OBSL1: variants seen among roughly 807,000 people sequenced by gnomAD.
OBSL1 encodes the protein obscurin-like protein 1.
Under a neutral mutation model 172.0 loss-of-function variants are expected in OBSL1, and 160 were observed. That is an observed-to-expected ratio of 0.93 (90% CI 0.82 to 1.06). The LOEUF (loss-of-function observed/expected upper bound fraction) is 1.06. Among genes scored for constraint, OBSL1 ranks in the 50% least tolerant of loss-of-function variants. The pLI is 0.00. For missense variants in OBSL1, 2,681 were observed against 2,715.4 expected (o/e 0.99, Z 0.28); for synonymous variants, 1,200 against 1,196.3 (o/e 1.00, Z -0.06).
Position 219,557,523 on chromosome 2 carries a change from G to A in OBSL1, c.3886C>T (p.Pro1296Ser). The part of the protein sequence containing the change: ...DLELVVHLSG[P>S]GGPVRWYKDG... ...TTGTACCAGCGTACAGGGCCCCCTG[G>A]CCCGGAGAGGTGCACCACCAGCTCT... The change falls in exon 12 of 21, where the codon CCA (proline) becomes TCA (serine). Residue 1296 changes from proline (P) to serine (S), a missense_variant. Pro to Ser is a moderately conservative substitution (Grantham distance 74, BLOSUM62 -1). Transcript: ENST00000404537. 1.3e-6 allele frequency: 2 copies of A among 1,552,344 alleles called. No individual in the cohort carries two copies. The highest frequency in any genetic ancestry group is 1.4e-5 in the African/African-American group (1 of 73,260).
intron 6 of OBSL1, 121 bp from the exon 7 acceptor site, chr2:219,563,748 C>A: frequency 9.2e-7 from 1 of 1,090,502 alleles, no homozygotes; most frequent in Non-Finnish European, 1.3e-6. Flanking sequence ...TAAGGTCCTG[C>A]TGTGTAGGGA....
rs1244136475 is a variant in OBSL1, at chr2:219,554,663, G to A, written c.4687C>T (p.Leu1563=). 6.2e-7 allele frequency: 1 copy of A among 1,603,352 alleles called. No homozygotes were observed. The highest frequency in any genetic ancestry group is 1.7e-5 in the Admixed American group (1 of 58,440). ...EGGSATFQLE[L]SQEGVTGEWA... Reference sequence around the variant, plus strand: ...TCCCCGGTCACACCTTCCTGGGACAGCTCCAGCTGGAAGGTGGCACTGCCC... The same window carrying A: ...TCCCCGGTCACACCTTCCTGGGACAACTCCAGCTGGAAGGTGGCACTGCCC... The change falls in exon 15 of 21, where the codon CTG becomes TTG. Residue 1563 remains leucine (L), a synonymous_variant. Transcript: ENST00000404537.
At chr2:219,553,165 C>T (rs948248085) in intron 16 of OBSL1, 141 bp from the exon 17 acceptor site, 16 of 1,206,320 alleles carry the variant, frequency 1.3e-5, no homozygotes, top group Admixed American at 3.3e-5. Context: ...AGGCTGGGGT[C>T]GGACTGTCCC....
At chr2:219,552,449 G>A in intron 18 of OBSL1, 87 bp downstream of exon 18, 1 of 1,389,616 alleles carries the variant, frequency 7.2e-7, no homozygotes, top group Non-Finnish European at 9.7e-7. Flanking sequence ...GTCGGAGCCA[G>A]GGGCGGGGCT....
At chr2:219,564,192 A>G (rs1011320657) in intron 6 of OBSL1, among the ~76,000 whole-genome samples, 2 of 152,230 alleles carry the variant, frequency 1.3e-5, no homozygotes, top group African/African-American at 4.8e-5. Flanking sequence ...CTTGTTAGGA[A>G]AGGATCTTCA....
intron 8 of OBSL1, 116 bp from the exon 9 acceptor site, chr2:219,559,613 A>G (rs1696313347): frequency 5.8e-6 from 5 of 860,836 alleles, no homozygotes; most frequent in South Asian, 5.7e-5. Flanking sequence ...AAGTAAAATA[A>G]TAATAAGCAA....
downstream of OBSL1, chr2:219,549,130 T>C (rs1204832072): frequency 6.2e-7 from 1 of 1,613,524 alleles, no homozygotes; most frequent in East Asian, 2.2e-5. Flanking sequence ...TCTGAGCTCC[T>C]TCTCTACCCA....
chr2:219,553,179 G>A (rs1695759403), intron 16 of OBSL1, among the ~76,000 whole-genome samples, 155 bp from the exon 17 acceptor site: 1 of 152,228 alleles, frequency 6.6e-6, no homozygotes. Flanking sequence ...CTGTCCCCAA[G>A]CCTTTGGGGT....
At position 219,556,560 on chromosome 2, in the gene OBSL1, A is replaced by G. The variant is rs1262984522; in HGVS notation, c.4230T>C (p.Asn1410=). Residue 1410 remains asparagine (N), a synonymous_variant, in exon 13 of 21, where the codon AAT becomes AAC. Transcript: ENST00000404537. ...GCAAGGTTAAGATGCGGCTTGAACC[A>G]TTCTGGGCCATCTCCACCTGGGGCC... ...TPGPQVEMAQ[N]GSSRILTLRG... is the part of the protein sequence containing the mutation. 1 of 1,613,856 alleles carries G rather than the reference A, an allele frequency of 6.2e-7. No homozygotes were observed. The highest frequency in any genetic ancestry group is 1.7e-5 in the Admixed American group (1 of 60,020).
Position 219,568,283 on chromosome 2 carries a change from C to T in OBSL1, c.1054G>A (p.Gly352Ser), listed in dbSNP as rs1479403958. 15 of 1,608,930 alleles carry T rather than the reference C, an allele frequency of 9.3e-6. No homozygotes were observed. Among genetic ancestry groups the T allele is most frequent in the Non-Finnish European group, 1.3e-5 (15 of 1,177,938 alleles). ...AGCACGGCAATCCCGTGCTCACGGCCCTCCACGTCCTGCAGGGGCCGTGTG... is the reference window on the plus strand; with the variant it reads ...AGCACGGCAATCCCGTGCTCACGGCTCTCCACGTCCTGCAGGGGCCGTGTG... ...RFTRPLQDVE[G>S]REHGIAVLEC... The change falls in exon 2 of 21, where the codon GGC becomes AGC. Residue 352 changes from glycine to serine, a missense_variant. Transcript: ENST00000404537. The surrounding 1 kb of genome is among the most constrained non-coding windows in gnomAD (Gnocchi z 4.1).
chr2:219,565,755 C>T (rs1421378364), intron 5 of OBSL1, among the ~76,000 whole-genome samples: 1 of 152,200 alleles, frequency 6.6e-6, no homozygotes, highest in Non-Finnish European at 1.5e-5. Context: ...TAAACCAGCC[C>T]TCCAGGTGGT....
intron 1 of OBSL1, among the ~76,000 whole-genome samples, 157 bp downstream of exon 1, chr2:219,570,064 T>C (rs1697219956): frequency 6.6e-6 from 1 of 152,216 alleles, no homozygotes; most frequent in African/African-American, 2.4e-5. Context: ...TCCGAATCCC[T>C]GGGGAGTGAG....
Position 219,567,306 on chromosome 2 carries a change from G to T in OBSL1, c.1804C>A (p.Pro602Thr). The T allele has an allele frequency of 6.2e-7, 1 of 1,604,036 alleles. No individual in the cohort carries two copies. Among genetic ancestry groups the T allele is most frequent in the Non-Finnish European group, 8.5e-7 (1 of 1,172,328 alleles). Residue 602 changes from proline (P) to threonine (T), a missense_variant, in exon 4 of 21, where the codon CCC becomes ACC. By Grantham distance (38) the Pro-to-Thr change is conservative. Transcript: ENST00000404537. Reference protein sequence around the residue: ...ICTVSGHGRSPHVVFHGSAHL... With the variant: ...ICTVSGHGRSTHVVFHGSAHL... The stretch of plus-strand genomic sequence containing the variant: ...GCAGAACCGTGGAACACCACGTGGG[G>T]ACTACGGCCATGTCCGCTGACTGTG...
downstream of OBSL1, chr2:219,547,596 T>G: frequency 6.8e-7 from 1 of 1,475,954 alleles, no homozygotes; most frequent in Non-Finnish European, 9.0e-7. Context: ...GAGCGGGTGC[T>G]AGAGACACAG....
chr2:219,567,569 TTG>T lies in OBSL1; in HGVS notation c.1539_1540del (p.Lys514AlafsTer47). ...TATGGGGGGTCCTGGGGGACTGTGC[TTG>T]ACACCTGAGACCAAGGCAGGGATGT... On this transcript the variant is annotated frameshift_variant, in exon 4 of 21. Transcript: ENST00000404537. LOFTEE classifies it high-confidence loss of function. 1 of 1,609,058 alleles carries T rather than the reference TTG, an allele frequency of 6.2e-7. No individual in the cohort carries two copies. Among genetic ancestry groups the T allele is most frequent in the Non-Finnish European group, 8.5e-7 (1 of 1,175,894 alleles).
At chr2:219,558,137 C>T (rs762721198) in intron 10 of OBSL1, 27 bp from the exon 11 acceptor site, 3 of 1,611,468 alleles carry the variant, frequency 1.9e-6, no homozygotes, top group East Asian at 2.2e-5. Flanking sequence ...GGTGTCATCC[C>T]ATGCTTGCCC....
downstream of OBSL1, chr2:219,548,141 G>A: frequency 1.4e-6 from 2 of 1,418,120 alleles, no homozygotes; most frequent in Non-Finnish European, 9.3e-7. Context: ...ATGGGTTGGG[G>A]GCCAAGTGAC....
At chr2:219,551,307 A>T in intron 20 of OBSL1, 1 of 1,409,818 alleles carries the variant, frequency 7.1e-7, no homozygotes, top group Non-Finnish European at 9.2e-7. Context: ...GGGCGTAGAA[A>T]GGTGGGAACA....
chr2:219,547,893 C>T (rs1347077703), downstream of OBSL1: 1 of 1,596,358 alleles, frequency 6.3e-7, no homozygotes, highest in Non-Finnish European at 8.5e-7. Context: ...GCGCTGATCG[C>T]CACTGCCGCT....
Sources: allele counts gnomAD v4.1 joint callset (sites outside exome capture counted in the v4.1 genomes callset), GRCh38; gene constraint gnomAD v4.1.1; non-coding constraint Gnocchi (gnomAD v3.1); transcripts MANE v1.5; gene names NCBI Gene and HGNC (gene_info 2026-07-23, HGNC 2026-07-21).